KIAA1217: variants seen among roughly 807,000 people sequenced by gnomAD.
The protein encoded by KIAA1217 is sickle tail protein homolog.
In KIAA1217, 88 loss-of-function variants were observed where a neutral mutation model predicts 163.9. That is an observed-to-expected ratio of 0.54 (90% confidence interval 0.45 to 0.64). The LOEUF (loss-of-function observed/expected upper bound fraction) is 0.64. Among genes scored for constraint, KIAA1217 ranks in the 30% least tolerant of loss-of-function variants. The pLI, the probability that KIAA1217 is intolerant of heterozygous loss-of-function variation, is 0.00. For synonymous variants in KIAA1217, 903 were observed against 923.1 expected (o/e 0.98, Z 0.39); for missense variants, 2,372 against 2,475.0 (o/e 0.96, Z 0.88).
At chr10:24,205,506 G>A (rs1343648736), upstream of KIAA1217, among the ~76,000 whole-genome samples, 1 of 150,964 alleles carries the variant, frequency 6.6e-6, no homozygotes, top group Non-Finnish European at 1.5e-5. Flanking sequence ...GGGCGCGGTG[G>A]CTCATGCTTG....
chr10:24,295,648 C>A (rs1038245050), intron 2 of KIAA1217, among the ~76,000 whole-genome samples: 1 of 152,192 alleles, frequency 6.6e-6, no homozygotes, highest in Non-Finnish European at 1.5e-5. Context: ...TTTATCCACA[C>A]CTCCAACAGG....
At chr10:23,866,637 A>C (rs1408972783) in intron 1 of KIAA1217, among the ~76,000 whole-genome samples, 1 of 151,770 alleles carries the variant, frequency 6.6e-6, no homozygotes, top group Non-Finnish European at 1.5e-5. Context: ...TTGGGAGAGA[A>C]GGTGCCATCA....
At chr10:24,175,443 ATGTGTGTGTG>A (rs137918207) in intron 2 of KIAA1217, among the ~76,000 whole-genome samples, 3 of 149,894 alleles carry the variant, frequency 2.0e-5, no homozygotes, top group Admixed American at 2.0e-4. Flanking sequence ...GTGTATATAT[ATGTGTGTGTG>A]TGTGTGTGTG....
chr10:24,207,282 T>TCTCTCTCACACACACACA (rs529791287), upstream of KIAA1217, among the ~76,000 whole-genome samples: 1,361 of 140,162 alleles, frequency 9.7e-3, 24 homozygotes, highest in African/African-American at 0.037. Context: ...TCTCTCTCTC[T>TCTCTCTCACACACACACA]CACACACACA....
intron 2 of KIAA1217, among the ~76,000 whole-genome samples, chr10:24,258,989 G>A (rs1438676005): frequency 1.3e-5 from 2 of 152,120 alleles, no homozygotes; most frequent in African/African-American, 4.8e-5. Context: ...TCAAAGCCCA[G>A]GGATCAGGGG....
Position 24,438,462 on chromosome 10 carries a change from A to G in KIAA1217, c.829A>G (p.Met277Val), listed in dbSNP as rs753798801. 1.4e-5 allele frequency: 23 copies of G among 1,609,496 alleles called. No homozygotes were observed. Among genetic ancestry groups the G allele is most frequent in the Non-Finnish European group, 1.9e-5 (22 of 1,175,856 alleles). ...TGCGTTTAATCACACACCAAAAACTATGAATGGAGACATGAGGGTAAGTGT... is the reference window on the plus strand; with the variant it reads ...TGCGTTTAATCACACACCAAAAACTGTGAATGGAGACATGAGGGTAAGTGT... ...AHAFNHTPKT[M>V]NGDMRMQREL... Residue 277 changes from methionine (M) to valine (V), a missense_variant, in exon 5 of 21, where the codon ATG (methionine) becomes GTG (valine). Physicochemically the swap from Met to Val is conservative, Grantham distance 21. This residue lies in a region of KIAA1217 where 1,431 missense variants were observed against 1,470.3 expected (regional missense o/e 0.97). Coordinates refer to ENST00000376454, the MANE Select transcript of KIAA1217 (RefSeq NM_019590.5).
intron 6 of KIAA1217, among the ~76,000 whole-genome samples, chr10:24,476,686 T>G (rs532228496): frequency 6.6e-6 from 1 of 152,308 alleles, no homozygotes; most frequent in Admixed American, 6.5e-5. Context: ...GGAAAAATTT[T>G]ATCTCATACA....
chr10:23,730,682 T>C (rs746867672), intron 1 of KIAA1217, among the ~76,000 whole-genome samples: 1 of 152,186 alleles, frequency 6.6e-6, no homozygotes, highest in Non-Finnish European at 1.5e-5. Context: ...AATTTTGTAG[T>C]TTTTCTTACA....
intron 2 of KIAA1217, among the ~76,000 whole-genome samples, chr10:24,185,593 G>A (rs1005407240): frequency 1.3e-5 from 2 of 151,980 alleles, no homozygotes; most frequent in Admixed American, 6.6e-5. Flanking sequence ...TAAGGAGTGC[G>A]AGACCAGCCT....
chr10:23,854,791 T>A (rs1839561003), intron 1 of KIAA1217, among the ~76,000 whole-genome samples: 1 of 152,194 alleles, frequency 6.6e-6, no homozygotes, highest in Non-Finnish European at 1.5e-5. Context: ...TCTCTTTTGA[T>A]CTTTGTTGGT....
chr10:23,790,511 A>G (rs530042450), intron 1 of KIAA1217, among the ~76,000 whole-genome samples: 1 of 112,232 alleles, frequency 8.9e-6, no homozygotes, highest in Non-Finnish European at 1.7e-5. Flanking sequence ...GCATATATAC[A>G]TATGTATATA....
At chr10:24,305,251 G>C (rs2041879266) in intron 2 of KIAA1217, among the ~76,000 whole-genome samples, 1 of 152,224 alleles carries the variant, frequency 6.6e-6, no homozygotes, top group South Asian at 2.1e-4. Context: ...AGTAAGTCAA[G>C]AGACAAGGAG....
At chr10:23,938,157 G>A (rs755739064) in intron 1 of KIAA1217, among the ~76,000 whole-genome samples, 14 of 152,082 alleles carry the variant, frequency 9.2e-5, no homozygotes, top group Non-Finnish European at 2.1e-4. Context: ...AAAAGGTCAC[G>A]CAGAACTTTC....
Position 24,514,835 on chromosome 10 carries a change from C to CA in KIAA1217, c.2177+1409dup, listed in dbSNP as rs530514495. Among the ~76,000 whole-genome samples, 152 of 150,792 alleles carry CA rather than the reference C, an allele frequency of 1.0e-3. 3 individuals carry two copies. The East Asian group carries it at 0.025, about 25-fold the overall frequency. On this transcript the variant is annotated intron_variant, in intron 10 of 20. Transcript: ENST00000376454. Reference sequence around the variant, plus strand: ...CAAAACCCCGTCTCTACTAAAAATACAAAAAAAATAGCTGGCCATTGTGGT... The same window carrying CA: ...CAAAACCCCGTCTCTACTAAAAATACAAAAAAAAATAGCTGGCCATTGTGGT...
chr10:24,374,768 C>T (rs1439918618), intron 2 of KIAA1217, among the ~76,000 whole-genome samples: 1 of 152,096 alleles, frequency 6.6e-6, no homozygotes, highest in Non-Finnish European at 1.5e-5. Context: ...CCTTGCTGTT[C>T]TTTTTTTAAA....
At chr10:24,137,875 T>C (rs2063895110) in intron 2 of KIAA1217, among the ~76,000 whole-genome samples, 1 of 152,206 alleles carries the variant, frequency 6.6e-6, no homozygotes, top group Non-Finnish European at 1.5e-5. Flanking sequence ...TAGGTGGACA[T>C]GTGAGTTCAT....
chr10:24,280,677 A>G (rs2077818094), intron 2 of KIAA1217, among the ~76,000 whole-genome samples: 1 of 152,010 alleles, frequency 6.6e-6, no homozygotes, highest in Admixed American at 6.6e-5. Context: ...AAGCATGGTC[A>G]CAGGCGCCTG....
chr10:24,266,080 CTTT>C (rs879826505), intron 2 of KIAA1217, among the ~76,000 whole-genome samples: 3 of 141,096 alleles, frequency 2.1e-5, no homozygotes, highest in African/African-American at 2.6e-5. Context: ...AAAGGCTGAT[CTTT>C]TTTTTTTTTT....
chr10:24,520,170 C>T lies in KIAA1217; in HGVS notation c.2225C>T (p.Ala742Val). ...VEDLKKDSTA[A>V]SRLVTLKDVE... ...GACTTGAAGAAGGACTCCACGGCAG[C>T]CAGCCGATTGGTTACTCTGAAAGAC... Residue 742 changes from alanine (A) to valine (V), a missense_variant, in exon 11 of 21, where the codon GCC becomes GTC. Transcript: ENST00000376454. 1 of 1,614,110 alleles carries T rather than the reference C, an allele frequency of 6.2e-7. No individual in the cohort carries two copies. Among genetic ancestry groups the T allele is most frequent in the South Asian group, 1.1e-5 (1 of 91,066 alleles).
Sources: allele counts gnomAD v4.1 joint callset (sites outside exome capture counted in the v4.1 genomes callset), GRCh38; gene constraint gnomAD v4.1.1; regional missense constraint gnomAD v4.1.1; transcripts MANE v1.5; gene names NCBI Gene and HGNC (gene_info 2026-07-23, HGNC 2026-07-21).